The following GALNT13 variants were observed in gnomAD, a reference collection of about 807,000 sequenced individuals.
The protein encoded by GALNT13 is polypeptide N-acetylgalactosaminyltransferase 13, also known as UDP-GalNAc:polypeptide N-acetylgalactosaminyltransferase 13.
A neutral mutation model predicts 64.2 loss-of-function variants in GALNT13; 28 were observed. The ratio of observed to expected loss-of-function variants is 0.44; its 90% CI spans 0.32 to 0.60. GALNT13 has a LOEUF of 0.60. Among genes scored for constraint, GALNT13 ranks in the 20% least tolerant of loss-of-function variants. The pLI, the probability that GALNT13 is intolerant of heterozygous loss-of-function variation, is 0.05. For synonymous variants in GALNT13, 214 were observed against 224.6 expected (o/e 0.95, Z 0.42); for missense variants, 577 against 669.8 (o/e 0.86, Z 1.53).
chr2:153,496,956 T>A, the GALNT13 span, among the ~76,000 whole-genome samples: 9 of 133,482 alleles, frequency 6.7e-5, no homozygotes, highest in African/African-American at 2.6e-4. Context: ...ATTGCACCAC[T>A]GCACTCCAGC....
chr2:153,807,437 A>G, the GALNT13 span, among the ~76,000 whole-genome samples: 1 of 151,890 alleles, frequency 6.6e-6, no homozygotes, highest in South Asian at 2.1e-4. Context: ...TGGCCATATG[A>G]TATTTCTTAG....
At chr2:154,185,812 A>T (rs1686218192) in intron 4 of GALNT13, among the ~76,000 whole-genome samples, 3 of 152,032 alleles carry the variant, frequency 2.0e-5, no homozygotes, top group Admixed American at 2.0e-4. Context: ...ATTACCTACA[A>T]TGAAGAATCT....
chr2:153,645,177 C>T, the GALNT13 span, among the ~76,000 whole-genome samples: 4 of 152,074 alleles, frequency 2.6e-5, no homozygotes, highest in South Asian at 4.1e-4. Flanking sequence ...GAAAAATACG[C>T]GCTTCATGGC....
chr2:153,910,293 T>G (rs1488462760), intron 2 of GALNT13, among the ~76,000 whole-genome samples: 2 of 152,122 alleles, frequency 1.3e-5, no homozygotes, highest in Non-Finnish European at 2.9e-5. Flanking sequence ...GTTATTGCCT[T>G]TGTCATTTCT....
chr2:154,100,964 T>G (rs1279258959), intron 3 of GALNT13, among the ~76,000 whole-genome samples: 1 of 152,072 alleles, frequency 6.6e-6, no homozygotes, highest in Non-Finnish European at 1.5e-5. Context: ...TTGAGGTGGT[T>G]GTATGGTTTT....
chr2:153,150,109 T>G, the GALNT13 span, among the ~76,000 whole-genome samples: 2 of 151,876 alleles, frequency 1.3e-5, no homozygotes, highest in African/African-American at 4.8e-5. Context: ...CAAACTGTAT[T>G]GAATTAGTTC....
intron 3 of GALNT13, among the ~76,000 whole-genome samples, chr2:153,991,354 G>A (rs1695146314): frequency 6.6e-6 from 1 of 152,112 alleles, no homozygotes. Flanking sequence ...CAGCTGGAGT[G>A]AGGGACAAGG....
At chr2:153,293,513 TC>T in the GALNT13 span, among the ~76,000 whole-genome samples, 1 of 152,054 alleles carries the variant, frequency 6.6e-6, no homozygotes, top group Admixed American at 6.6e-5. Context: ...AAACCAATTT[TC>T]TCCTAGAGTC....
the GALNT13 span, among the ~76,000 whole-genome samples, chr2:153,513,828 T>C: frequency 0.021 from 3,175 of 152,246 alleles, 112 homozygotes; most frequent in African/African-American, 0.072. Context: ...ATAATAAATA[T>C]AACTAAGCCT....
the GALNT13 span, among the ~76,000 whole-genome samples, chr2:153,073,124 A>T: frequency 0.035 from 5,293 of 152,274 alleles, 186 homozygotes; most frequent in East Asian, 0.17. Flanking sequence ...GCTTTGAAAT[A>T]CAATATGCTG....
At chr2:153,360,394 G>A in the GALNT13 span, among the ~76,000 whole-genome samples, 2 of 152,198 alleles carry the variant, frequency 1.3e-5, no homozygotes, top group Admixed American at 1.3e-4. Context: ...TTAAGCTGAT[G>A]TCTAAGCCAT....
the GALNT13 span, among the ~76,000 whole-genome samples, chr2:153,360,589 C>A: frequency 6.6e-6 from 1 of 152,184 alleles, no homozygotes; most frequent in African/African-American, 2.4e-5. Context: ...CCCAACACAC[C>A]AGCTGTGGCA....
At chr2:153,376,683 A>T in the GALNT13 span, among the ~76,000 whole-genome samples, 52 of 152,280 alleles carry the variant, frequency 3.4e-4, no homozygotes, top group African/African-American at 1.2e-3. Context: ...GATTTGTGAG[A>T]GGAAGGAGAT....
At chr2:153,731,327 A>G in the GALNT13 span, among the ~76,000 whole-genome samples, 1 of 151,854 alleles carries the variant, frequency 6.6e-6, no homozygotes, top group Non-Finnish European at 1.5e-5. Flanking sequence ...ATAGAGTGGA[A>G]TAATAGATAT....
chr2:153,871,124 TG>T (rs149100306), upstream of GALNT13, among the ~76,000 whole-genome samples: 15,950 of 152,186 alleles, frequency 0.1, 1,058 homozygotes, highest in African/African-American at 0.17. Context: ...CTCAGTACCA[TG>T]GGGGTATTGG....
the GALNT13 span, among the ~76,000 whole-genome samples, chr2:153,172,269 C>A: frequency 2.6e-5 from 4 of 151,942 alleles, no homozygotes; most frequent in South Asian, 4.2e-4. Flanking sequence ...ATAGAGGGAG[C>A]CTTGGTGTAG....
At chr2:154,010,899 G>T in intron 3 of GALNT13, among the ~76,000 whole-genome samples, 1 of 151,676 alleles carries the variant, frequency 6.6e-6, no homozygotes. Flanking sequence ...TAGTCTCTGA[G>T]GGTTTTTTTG....
At chr2:153,307,615 G>A in the GALNT13 span, among the ~76,000 whole-genome samples, 23 of 152,032 alleles carry the variant, frequency 1.5e-4, no homozygotes, top group Admixed American at 2.6e-4. Context: ...ATATATTGCA[G>A]TGTAAATTGT....
chr2:153,328,650 C>T, the GALNT13 span, among the ~76,000 whole-genome samples: 2 of 152,138 alleles, frequency 1.3e-5, no homozygotes. Flanking sequence ...GTGGACGCCC[C>T]TCCCCATACC....
Sources: allele counts gnomAD v4.1 joint callset (sites outside exome capture counted in the v4.1 genomes callset), GRCh38; gene constraint gnomAD v4.1.1; transcripts MANE v1.5; gene names NCBI Gene and HGNC (gene_info 2026-07-23, HGNC 2026-07-21).